Variants in PRELID2 observed in about 807,000 individuals in gnomAD.
The protein encoded by PRELID2 is PRELI domain-containing protein 2.
In PRELID2, 25 loss-of-function variants were observed where a neutral mutation model predicts 28.4. The observed-to-expected ratio is 0.88, with a 90% confidence interval of 0.64 to 1.23. The LOEUF (loss-of-function observed/expected upper bound fraction) is 1.23. Ranked by LOEUF, PRELID2 falls within the 50% of genes most tolerant of loss-of-function variation. The pLI, the probability that PRELID2 is intolerant of heterozygous loss-of-function variation, is 0.00. For missense variants in PRELID2, 201 were observed against 214.4 expected, an observed-to-expected ratio of 0.94 and a Z score of 0.39; for synonymous variants, 76 against 71.6, an observed-to-expected ratio of 1.06 and a Z score of -0.31.
chr5:145,259,312 C>T, the PRELID2 span, among the ~76,000 whole-genome samples: 1 of 152,140 alleles, frequency 6.6e-6, no homozygotes, highest in Non-Finnish European at 1.5e-5. Flanking sequence ...AGGCACTGTC[C>T]TGCAGACCAC....
chr5:145,790,721 G>GTGTGTGTATA lies in PRELID2; in HGVS notation c.474+5720_474+5721insTATACACACA, dbSNP rs772901344. Among the ~76,000 whole-genome samples the GTGTGTGTATA allele has an allele frequency of 6.6e-3, 735 of 110,876 alleles. 6 individuals carry two copies. Among genetic ancestry groups the GTGTGTGTATA allele is most frequent in the East Asian group, 0.021 (71 of 3,460 alleles). 72.7% of individuals were successfully genotyped at this position (110,876 alleles called of 152,430 possible). On this transcript the variant is annotated intron_variant, in intron 5 of 6. Coordinates refer to ENST00000683046, the MANE Select transcript of PRELID2 (RefSeq NM_205846.3). The stretch of plus-strand genomic sequence containing the variant: ...CCACATTGTGTGTGTGTGTGTGTGT[G>GTGTGTGTATA]TATATATATATATATATATATATAT...
chr5:145,772,074 C>T (rs1758142821), intron 5 of PRELID2, among the ~76,000 whole-genome samples: 1 of 152,160 alleles, frequency 6.6e-6, no homozygotes, highest in Non-Finnish European at 1.5e-5. Flanking sequence ...AGATGCAGAA[C>T]TTTATCTAGA....
the PRELID2 span, among the ~76,000 whole-genome samples, chr5:145,401,756 A>G: frequency 6.6e-6 from 1 of 150,532 alleles, no homozygotes; most frequent in East Asian, 1.9e-4. Flanking sequence ...TTTGTTATGT[A>G]TGTGTTTGAT....
chr5:145,423,720 CCTT>C, the PRELID2 span, among the ~76,000 whole-genome samples: 1 of 115,734 alleles, frequency 8.6e-6, no homozygotes, highest in Non-Finnish European at 1.9e-5. Context: ...TCGTCTGAAG[CCTT>C]CTTCTCTCAT....
At chr5:145,489,154 G>A (rs1048003020) in intron 1 of PRELID2, among the ~76,000 whole-genome samples, 2 of 152,066 alleles carry the variant, frequency 1.3e-5, no homozygotes, top group Non-Finnish European at 2.9e-5. Context: ...AGCCTGGCTC[G>A]CCAGCCATCC....
chr5:145,662,576 A>C (rs1754514800), intron 1 of PRELID2, among the ~76,000 whole-genome samples: 1 of 152,122 alleles, frequency 6.6e-6, no homozygotes, highest in Non-Finnish European at 1.5e-5. Context: ...GTGAAGAGGC[A>C]ATTGGATCAT....
chr5:145,256,583 G>T, the PRELID2 span, among the ~76,000 whole-genome samples: 3 of 151,882 alleles, frequency 2.0e-5, no homozygotes, highest in African/African-American at 4.8e-5. Flanking sequence ...TCTCTTTGTG[G>T]GAGGGGACAT....
At chr5:145,701,335 G>T (rs1755402510) in intron 1 of PRELID2, among the ~76,000 whole-genome samples, 1 of 152,108 alleles carries the variant, frequency 6.6e-6, no homozygotes, top group East Asian at 1.9e-4. Context: ...TCCAGTAAAT[G>T]ATTTTCATGG....
At chr5:145,570,692 A>G (rs936394477) in intron 1 of PRELID2, among the ~76,000 whole-genome samples, 1 of 152,144 alleles carries the variant, frequency 6.6e-6, no homozygotes, top group South Asian at 2.1e-4. Context: ...TTGTCCAGCT[A>G]TCACTATCTG....
At chr5:145,596,284 A>T (rs984428512) in intron 1 of PRELID2, among the ~76,000 whole-genome samples, 1 of 152,090 alleles carries the variant, frequency 6.6e-6, no homozygotes, top group Non-Finnish European at 1.5e-5. Context: ...AATTAAGTTT[A>T]TCAGAAGGGA....
At chr5:145,334,094 A>G in the PRELID2 span, among the ~76,000 whole-genome samples, 45,014 of 151,830 alleles carry the variant, frequency 0.3, 7,062 homozygotes, top group African/African-American at 0.4. Flanking sequence ...CAACCTCCAT[A>G]GGCTGCATCC....
At chr5:145,288,787 A>G in the PRELID2 span, among the ~76,000 whole-genome samples, 2 of 152,108 alleles carry the variant, frequency 1.3e-5, no homozygotes, top group Admixed American at 6.5e-5. Flanking sequence ...CTAATCTGTT[A>G]GAGTTGGATC....
the PRELID2 span, among the ~76,000 whole-genome samples, chr5:145,266,693 C>A: frequency 1.3e-5 from 2 of 152,118 alleles, no homozygotes; most frequent in Non-Finnish European, 2.9e-5. Flanking sequence ...TCCTGGGTAT[C>A]TACTCAGAGG....
At chr5:145,408,825 T>A in the PRELID2 span, among the ~76,000 whole-genome samples, 23 of 152,278 alleles carry the variant, frequency 1.5e-4, no homozygotes, top group East Asian at 3.5e-3. Context: ...ACCTTCCTGA[T>A]CTTGCTAGAG....
At chr5:145,655,838 G>A (rs939489932) in intron 1 of PRELID2, among the ~76,000 whole-genome samples, 1 of 152,146 alleles carries the variant, frequency 6.6e-6, no homozygotes, top group South Asian at 2.1e-4. Context: ...ACATAGGCAT[G>A]GCCAAGGACT....
chr5:145,523,377 T>C (rs1415230536), intron 1 of PRELID2, among the ~76,000 whole-genome samples: 1 of 152,192 alleles, frequency 6.6e-6, no homozygotes. Context: ...ATATATTCAA[T>C]TTGGCCCCAA....
the PRELID2 span, among the ~76,000 whole-genome samples, chr5:145,414,894 C>A: frequency 6.6e-6 from 1 of 152,168 alleles, no homozygotes; most frequent in Non-Finnish European, 1.5e-5. Context: ...TTATATGTCT[C>A]ATAAAATAGA....
At chr5:145,311,661 G>C in the PRELID2 span, among the ~76,000 whole-genome samples, 1 of 152,082 alleles carries the variant, frequency 6.6e-6, no homozygotes, top group Non-Finnish European at 1.5e-5. Context: ...CCATGCAACA[G>C]TACTATATTT....
chr5:145,377,687 C>T, the PRELID2 span, among the ~76,000 whole-genome samples: 1 of 151,582 alleles, frequency 6.6e-6, no homozygotes, highest in South Asian at 2.1e-4. Flanking sequence ...GGATTGCAAC[C>T]CCGTTTTCTT....
Sources: gnomAD v4.1 joint callset for allele counts (sites outside exome capture counted in the v4.1 genomes callset) on GRCh38, gnomAD v4.1.1 for gene constraint, MANE v1.5 for transcripts, NCBI Gene and HGNC (gene_info 2026-07-23, HGNC 2026-07-21) for gene names.